Variants in ATP8A2 observed in about 807,000 individuals in gnomAD.
The protein encoded by ATP8A2 is ATPase phospholipid transporting 8A2, also known as phospholipid-transporting ATPase IB.
ATP8A2 carries 100 observed loss-of-function variants against 165.6 expected under a neutral mutation model. That is an observed-to-expected ratio of 0.60 (90% CI 0.51 to 0.71). The LOEUF (loss-of-function observed/expected upper bound fraction) is 0.71, where lower values mean the gene tolerates loss of function less well. ATP8A2 is among the 30% of genes least tolerant of loss of function. ATP8A2 has a pLI of 0.00. For synonymous variants in ATP8A2, 543 were observed against 548.8 expected (o/e 0.99, Z 0.15); for missense variants, 1,227 against 1,479.5 (o/e 0.83, Z 2.80).
intron 1 of ATP8A2, among the ~76,000 whole-genome samples, chr13:25,451,688 T>A (rs570562415): frequency 4.7e-4 from 72 of 152,222 alleles, no homozygotes; most frequent in Non-Finnish European, 5.1e-4. Flanking sequence ...GGGAGTCAGT[T>A]GCTTGGATGT....
At chr13:25,773,080 A>G in intron 26 of ATP8A2, among the ~76,000 whole-genome samples, 1 of 152,146 alleles carries the variant, frequency 6.6e-6, no homozygotes. Flanking sequence ...TTTAATTTCC[A>G]AAGTCATCTG....
intron 24 of ATP8A2, among the ~76,000 whole-genome samples, chr13:25,677,235 T>C (rs1309302294): frequency 1.3e-5 from 2 of 152,238 alleles, no homozygotes; most frequent in Non-Finnish European, 2.9e-5. Flanking sequence ...AAGGTTTTAG[T>C]TCCTCAGATG....
chr13:25,585,718 CT>C (rs2039904293), intron 23 of ATP8A2, among the ~76,000 whole-genome samples: 1 of 152,100 alleles, frequency 6.6e-6, no homozygotes, highest in Admixed American at 6.5e-5. Context: ...CTGTAATTGC[CT>C]GTACATTTTC....
At chr13:25,897,868 C>T (rs1343501733) in intron 33 of ATP8A2, among the ~76,000 whole-genome samples, 2 of 152,134 alleles carry the variant, frequency 1.3e-5, no homozygotes, top group Admixed American at 6.5e-5. Flanking sequence ...GTTCTTGTGC[C>T]GTGGTTTTCA....
At position 25,372,026 on chromosome 13, in the gene ATP8A2, T is replaced by C. The variant is rs2032414526; in HGVS notation, c.-187T>C. The C allele has an allele frequency of 4.4e-6, 1 of 225,364 alleles. No homozygotes were observed. The highest frequency in any genetic ancestry group is 8.4e-6 in the Non-Finnish European group (1 of 119,452). 14.0% of individuals were successfully genotyped at this position (225,364 alleles called of 1,614,324 possible). A position where few individuals can be genotyped will look rare whatever the true frequency, so the allele number is the denominator to read the frequency against. ...GGTGGCGTTCGCGGATGCTGCCGCA[T>C]TGGCCGCTGCGGCACGGACGGCGCA... is the stretch of plus-strand genomic sequence containing the variant. On this transcript the variant is annotated 5_prime_UTR_variant, in exon 1 of 37. Coordinates refer to ENST00000381655, the MANE Select transcript of ATP8A2 (RefSeq NM_016529.6). The surrounding 1 kb of genome is among the most constrained non-coding windows in gnomAD (Gnocchi z 4.8).
rs577532937 is a variant in ATP8A2 at position 25,495,932 on chromosome 13, C to T, written c.221+26811C>T. On this transcript the variant is annotated intron_variant, in intron 2 of 36. Coordinates refer to ENST00000381655, the MANE Select transcript of ATP8A2 (RefSeq NM_016529.6). ...CCCTTTGAACAAAGAGAACAGGATT[C>T]TTGCTCATCTTTATACAGGCAGCAC... is the stretch of plus-strand genomic sequence containing the variant. Among the ~76,000 whole-genome samples the T allele has an allele frequency of 3.3e-5, 5 of 152,218 alleles. No homozygotes were observed. The South Asian group carries it at 1.0e-3, about 32-fold the overall frequency.
chr13:25,380,187 C>G (rs989160116), intron 1 of ATP8A2, among the ~76,000 whole-genome samples: 1 of 152,102 alleles, frequency 6.6e-6, no homozygotes, highest in Non-Finnish European at 1.5e-5. Flanking sequence ...TGCAATCAAG[C>G]CATACAAATG....
chr13:25,409,648 T>C (rs1055761846), intron 1 of ATP8A2, among the ~76,000 whole-genome samples: 5 of 152,162 alleles, frequency 3.3e-5, no homozygotes, highest in African/African-American at 4.8e-5. Flanking sequence ...TTTTAAAAAG[T>C]TGATGTACAT....
chr13:25,883,834 G>C (rs749717979), intron 33 of ATP8A2, among the ~76,000 whole-genome samples: 3 of 152,144 alleles, frequency 2.0e-5, no homozygotes, highest in African/African-American at 2.4e-5. Context: ...GCGTGTGCAA[G>C]TCAGGGTCAT....
intron 24 of ATP8A2, among the ~76,000 whole-genome samples, chr13:25,670,358 G>A (rs946259021): frequency 4.6e-5 from 7 of 152,150 alleles, no homozygotes; most frequent in African/African-American, 1.4e-4. Context: ...TGAATCAGAC[G>A]TTCTGCAGTC....
intron 24 of ATP8A2, among the ~76,000 whole-genome samples, chr13:25,641,499 T>C (rs1378163101): frequency 6.6e-6 from 1 of 152,148 alleles, no homozygotes; most frequent in East Asian, 1.9e-4. Flanking sequence ...TGAACTCCCA[T>C]TCACAATTGC....
chr13:25,522,080 TATTA>T (rs1214982850), intron 2 of ATP8A2, among the ~76,000 whole-genome samples: 1 of 152,352 alleles, frequency 6.6e-6, no homozygotes, highest in Admixed American at 6.5e-5. Flanking sequence ...ACTTGAATAA[TATTA>T]ATTCTAATCC....
chr13:25,562,733 C>T (rs141444235), intron 15 of ATP8A2, among the ~76,000 whole-genome samples: 1 of 152,294 alleles, frequency 6.6e-6, no homozygotes, highest in East Asian at 1.9e-4. Flanking sequence ...AACCTATCCA[C>T]ATGTGTGCCT....
chr13:25,544,241 T>G (rs1171965111), intron 10 of ATP8A2, among the ~76,000 whole-genome samples: 3 of 152,214 alleles, frequency 2.0e-5, no homozygotes, highest in Admixed American at 1.3e-4. Context: ...GAGAGAGAGA[T>G]ACTGGAATGT....
At chr13:25,595,912 C>G (rs1410298094) in intron 24 of ATP8A2, among the ~76,000 whole-genome samples, 1 of 151,936 alleles carries the variant, frequency 6.6e-6, no homozygotes, top group African/African-American at 2.4e-5. Flanking sequence ...CATGTGTCCT[C>G]ATTCAGGTTC....
chr13:25,896,201 T>C (rs1187556721), intron 33 of ATP8A2, among the ~76,000 whole-genome samples: 1 of 152,254 alleles, frequency 6.6e-6, no homozygotes, highest in Non-Finnish European at 1.5e-5. Context: ...CACACTACTT[T>C]GAATGTGTCC....
chr13:25,974,896 T>A (rs1475788567), intron 35 of ATP8A2, among the ~76,000 whole-genome samples: 1 of 152,058 alleles, frequency 6.6e-6, no homozygotes, highest in Non-Finnish European at 1.5e-5. Flanking sequence ...GCTGAAGACA[T>A]CCTTTGTGAA....
In ATP8A2 at chr13:25,412,670, G is replaced by C. The variant is rs575867253; in HGVS notation, c.76+40382G>C. On this transcript the variant is annotated intron_variant, in intron 1 of 36. Coordinates refer to ENST00000381655, the MANE Select transcript of ATP8A2 (RefSeq NM_016529.6). ...AGGCCTCGTGCATCTAGTTATAATG[G>C]TAAAAAGGAGGTAGGGGCCTAGGAA... 4.6e-5 allele frequency among the ~76,000 whole-genome samples: 7 copies of C among 152,286 alleles called. No individual in the cohort carries two copies. The South Asian group carries it at 1.5e-3, about 32-fold the overall frequency.
intron 2 of ATP8A2, among the ~76,000 whole-genome samples, chr13:25,503,654 T>G (rs889349484): frequency 6.6e-6 from 1 of 152,192 alleles, no homozygotes; most frequent in African/African-American, 2.4e-5. Flanking sequence ...TTTTCTCTTG[T>G]GGATCTTTCA....
Sources: allele counts gnomAD v4.1 joint callset (sites outside exome capture counted in the v4.1 genomes callset), GRCh38; gene constraint gnomAD v4.1.1; non-coding constraint Gnocchi (gnomAD v3.1); transcripts MANE v1.5; gene names NCBI Gene and HGNC (gene_info 2026-07-23, HGNC 2026-07-21).